Variants in APBA2 observed in about 807,000 individuals in gnomAD.
APBA2 encodes amyloid beta precursor protein binding family A member 2, also known as amyloid-beta A4 precursor protein-binding family A member 2.
A neutral mutation model predicts 75.0 loss-of-function variants in APBA2; 30 were observed. The ratio of observed to expected loss-of-function variants is 0.40; its 90% CI spans 0.30 to 0.54. The LOEUF (loss-of-function observed/expected upper bound fraction) is 0.54, where lower values mean the gene tolerates loss of function less well. APBA2 is among the 20% of genes least tolerant of loss of function. APBA2 has a pLI of 0.49. For synonymous variants in APBA2, 444 were observed against 409.6 expected (o/e 1.08, Z -1.01); for missense variants, 801 against 1,016.1 (o/e 0.79, Z 2.88).
rs985113631 is a variant in APBA2 at position 29,117,225 on chromosome 15, G to A, written c.*92G>A. The A allele has an allele frequency of 3.6e-5, 45 of 1,238,782 alleles. No homozygotes were observed. The highest frequency in any genetic ancestry group is 2.6e-4 in the East Asian group (11 of 42,648). 76.7% of individuals were successfully genotyped at this position (1,238,782 alleles called of 1,614,324 possible). A position where few individuals can be genotyped will look rare whatever the true frequency, so the allele number is the denominator to read the frequency against. Reference sequence around the variant, plus strand: ...GCCGGGCCGCAGACTTGACCCCGACGCCACAGCCCAGCCACGGACGCTGGC... The same window carrying A: ...GCCGGGCCGCAGACTTGACCCCGACACCACAGCCCAGCCACGGACGCTGGC... On this transcript the variant is annotated 3_prime_UTR_variant, in exon 15 of 15. Transcript: ENST00000683413.
intron 2 of APBA2, among the ~76,000 whole-genome samples, chr15:28,927,009 A>G (rs550701499): frequency 1.3e-5 from 2 of 152,088 alleles, no homozygotes; most frequent in East Asian, 1.9e-4. Flanking sequence ...GGCGCCAGCC[A>G]CCATGCCTGG....
intron 2 of APBA2, among the ~76,000 whole-genome samples, chr15:28,944,009 G>A (rs1455315427): frequency 6.6e-6 from 1 of 152,084 alleles, no homozygotes; most frequent in Non-Finnish European, 1.5e-5. Context: ...ACAGCCTCCT[G>A]CCCTAAACCT....
chr15:29,031,800 C>T (rs60703655), intron 3 of APBA2, among the ~76,000 whole-genome samples: 10,270 of 152,210 alleles, frequency 0.067, 540 homozygotes, highest in East Asian at 0.22. Flanking sequence ...AGCTACAGAG[C>T]GCTGATGCAT....
chr15:28,978,599 C>T (rs2037461582), intron 2 of APBA2, among the ~76,000 whole-genome samples: 1 of 152,202 alleles, frequency 6.6e-6, no homozygotes, highest in African/African-American at 2.4e-5. Context: ...CTTTCTTCCC[C>T]ACCTTTCTTT....
At chr15:28,934,575 G>A (rs988346962) in intron 2 of APBA2, among the ~76,000 whole-genome samples, 1 of 152,164 alleles carries the variant, frequency 6.6e-6, no homozygotes, top group Non-Finnish European at 1.5e-5. Flanking sequence ...AGGGGCTTGG[G>A]GCCAGCTACA....
intron 4 of APBA2, among the ~76,000 whole-genome samples, chr15:29,074,701 A>G (rs892531375): frequency 1.3e-5 from 2 of 152,234 alleles, no homozygotes; most frequent in East Asian, 1.9e-4. Context: ...AAAGATAACA[A>G]ATTTCAAAAT....
intron 1 of APBA2, 98 bp from the exon 2 acceptor site, chr15:28,921,542 C>T (rs1008132743): frequency 6.6e-6 from 1 of 152,232 alleles, no homozygotes; most frequent in African/African-American, 2.4e-5. Context: ...GCGTGTGGCC[C>T]ATCGTTGCCA....
intron 8 of APBA2, among the ~76,000 whole-genome samples, chr15:29,095,240 C>T (rs986393190): frequency 3.3e-5 from 5 of 152,104 alleles, no homozygotes; most frequent in African/African-American, 1.2e-4. Flanking sequence ...TTAGCCTGAC[C>T]AACATGGAGA....
intron 10 of APBA2, chr15:29,102,311 G>C (rs187280314): frequency 6.1e-4 from 116 of 189,410 alleles, no homozygotes; most frequent in Admixed American, 3.1e-3. Context: ...TTAGCCTGGA[G>C]GGGGACAGAG....
intron 1 of APBA2, among the ~76,000 whole-genome samples, chr15:28,898,507 T>A (rs900974775): frequency 2.0e-5 from 3 of 152,172 alleles, no homozygotes; most frequent in African/African-American, 7.2e-5. Context: ...TGATTCTGTG[T>A]CTAGGAAGGG....
chr15:29,043,024 A>G (rs1175978168), intron 3 of APBA2, among the ~76,000 whole-genome samples: 2 of 152,150 alleles, frequency 1.3e-5, no homozygotes, highest in African/African-American at 4.8e-5. Flanking sequence ...AGGCACCGCT[A>G]TTTCCAGAAG....
Position 29,054,053 on chromosome 15 carries a change from G to A in APBA2, c.169G>A (p.Ala57Thr), listed in dbSNP as rs371759617. ...ELAALRPESP[A>T]PEEQECHNHS... ...GGCTGCCCTGCGGCCAGAGAGCCCC[G>A]CGCCAGAGGAACAGGAGTGCCACAA... The change falls in exon 4 of 15, where the codon GCG (alanine) becomes ACG (threonine). Residue 57 changes from alanine (A) to threonine (T), a missense_variant. By Grantham distance (58) the Ala-to-Thr change is moderately conservative. Around this residue, in one of 2 missense-constraint regions of APBA2, gnomAD observed 434 missense variants for 471.6 expected, o/e 0.92. Coordinates refer to ENST00000683413, the MANE Select transcript of APBA2 (RefSeq NM_001353788.2). The surrounding 1 kb of genome is among the most constrained non-coding windows in gnomAD (Gnocchi z 6.1). The A allele has an allele frequency of 4.1e-5, 66 of 1,613,846 alleles. 1 individual carries two copies. The highest frequency in any genetic ancestry group is 2.3e-4 in the South Asian group (21 of 91,070).
At chr15:29,082,643 T>G (rs953700704) in intron 6 of APBA2, among the ~76,000 whole-genome samples, 18 of 152,242 alleles carry the variant, frequency 1.2e-4, no homozygotes, top group African/African-American at 4.3e-4. Context: ...TTCTTCTTCT[T>G]TTTTTGGTAT....
chr15:28,953,315 G>A (rs1018999180), intron 2 of APBA2, among the ~76,000 whole-genome samples: 3 of 152,140 alleles, frequency 2.0e-5, no homozygotes, highest in African/African-American at 7.2e-5. Flanking sequence ...CATTGCCTGT[G>A]GTCCATGGGA....
At chr15:29,019,007 T>C (rs1457745661) in intron 3 of APBA2, among the ~76,000 whole-genome samples, 2 of 152,190 alleles carry the variant, frequency 1.3e-5, no homozygotes, top group African/African-American at 2.4e-5. Flanking sequence ...AGGAAGCAAA[T>C]TGACTCTCAG....
At chr15:29,012,054 C>T (rs2039429080) in intron 3 of APBA2, among the ~76,000 whole-genome samples, 1 of 152,308 alleles carries the variant, frequency 6.6e-6, no homozygotes, top group Non-Finnish European at 1.5e-5. Flanking sequence ...ACATCCTGTA[C>T]CTACTTTTCC....
rs550482782 is a variant in APBA2 at position 29,083,332 on chromosome 15, G to A, written c.1069+7241G>A. 6.6e-5 allele frequency among the ~76,000 whole-genome samples: 10 copies of A among 152,206 alleles called. No homozygotes were observed. In the South Asian group the frequency reaches 2.1e-3, roughly 32 times the overall value. On this transcript the variant is annotated intron_variant, in intron 6 of 14. Coordinates refer to ENST00000683413, the MANE Select transcript of APBA2 (RefSeq NM_001353788.2). ...GGTCTGTTTCTGGATCTGTTACAGG[G>A]ACGGTCCATTCAGGTTCCAGATCCA...
chr15:28,965,213 C>T (rs1370638472), intron 2 of APBA2, among the ~76,000 whole-genome samples: 2 of 152,090 alleles, frequency 1.3e-5, no homozygotes, highest in Non-Finnish European at 2.9e-5. Flanking sequence ...ACTCCAGCGC[C>T]ATTAATTGAA....
intron 3 of APBA2, among the ~76,000 whole-genome samples, chr15:28,997,358 A>G (rs148715446): frequency 6.7e-6 from 1 of 150,068 alleles, no homozygotes; most frequent in Non-Finnish European, 1.5e-5. Context: ...TCAGTTTTCA[A>G]AGTTTGTGAA....
Sources: allele counts gnomAD v4.1 joint callset (sites outside exome capture counted in the v4.1 genomes callset), GRCh38; gene constraint gnomAD v4.1.1; regional missense constraint gnomAD v4.1.1; non-coding constraint Gnocchi (gnomAD v3.1); transcripts MANE v1.5; gene names NCBI Gene and HGNC (gene_info 2026-07-23, HGNC 2026-07-21).